BBC3: variants seen among roughly 807,000 people sequenced by gnomAD.
The protein encoded by BBC3 is BCL2 binding component 3, also known as bcl-2-binding component 3.
In BBC3, 5 loss-of-function variants were observed where a neutral mutation model predicts 18.2. The observed-to-expected ratio is 0.27, with a 90% CI of 0.14 to 0.58. The LOEUF (loss-of-function observed/expected upper bound fraction) is 0.58, where lower values mean the gene tolerates loss of function less well. Among genes scored for constraint, BBC3 ranks in the 20% least tolerant of loss-of-function variants. BBC3 has a pLI of 0.91. For synonymous variants in BBC3, 119 were observed against 128.0 expected, an observed-to-expected ratio of 0.93 and a Z score of 0.47; for missense variants, 224 against 268.9, an observed-to-expected ratio of 0.83 and a Z score of 1.17.
upstream of BBC3, among the ~76,000 whole-genome samples, chr19:47,231,885 C>G (rs762621253): frequency 6.6e-6 from 1 of 152,104 alleles, no homozygotes; most frequent in Non-Finnish European, 1.5e-5. This position sits in a 1 kb window ranked among gnomAD's most constrained non-coding sequence, Gnocchi z 4.0. Context: ...CAGACATAGG[C>G]GGAGTGCTTA....
chr19:47,222,356 T>C (rs1401546225), intron 3 of BBC3: 2 of 154,582 alleles, frequency 1.3e-5, no homozygotes, highest in Non-Finnish European at 2.9e-5. Flanking sequence ...GCCCCCCCCA[T>C]TGCAGAGGCT....
At chr19:47,222,752 G>A (rs1004594537) in intron 3 of BBC3, among the ~76,000 whole-genome samples, 8 of 147,926 alleles carry the variant, frequency 5.4e-5, no homozygotes, top group African/African-American at 2.0e-4. Flanking sequence ...GATCACCTGA[G>A]GTCGGGAGTT....
intron 3 of BBC3, 170 bp from the exon 4 acceptor site, chr19:47,222,088 C>CTCATGTCCTGG: frequency 1.7e-6 from 1 of 583,200 alleles, no homozygotes; most frequent in Non-Finnish European, 2.9e-6. Context: ...TCATCCAGGA[C>CTCATGTCCTGG]ATGAGACCTG....
chr19:47,231,993 C>G (rs916965350), upstream of BBC3, among the ~76,000 whole-genome samples: 1 of 152,216 alleles, frequency 6.6e-6, no homozygotes, highest in Non-Finnish European at 1.5e-5. This position sits in a 1 kb window ranked among gnomAD's most constrained non-coding sequence, Gnocchi z 4.0. Flanking sequence ...ATCCAAATCA[C>G]ACTCCCACAG....
chr19:47,225,878 G>C (rs2058810170), intron 3 of BBC3, among the ~76,000 whole-genome samples: 1 of 152,200 alleles, frequency 6.6e-6, no homozygotes, highest in South Asian at 2.1e-4. Context: ...TGGATGCAAG[G>C]AGGGGGAAGG....
intron 3 of BBC3, among the ~76,000 whole-genome samples, chr19:47,224,281 G>A (rs1228608243): frequency 1.3e-5 from 2 of 151,996 alleles, no homozygotes; most frequent in Non-Finnish European, 1.5e-5. Context: ...GGCAACAAGA[G>A]CGAAACTCTG....
Position 47,230,716 on chromosome 19 carries a change from G to C in BBC3, c.-16+213C>G. 1.0e-6 allele frequency: 1 copy of C among 985,026 alleles called. No homozygotes were observed. Among genetic ancestry groups the C allele is most frequent in the South Asian group, 4.7e-5 (1 of 21,286 alleles). 61.0% of individuals were successfully genotyped at this position (985,026 alleles called of 1,614,324 possible). ...TTGTAAACAAACCCGCCAGACCGCC[G>C]AGGCACCTGTGCGCCCAGACCGGCG... On this transcript the variant is annotated intron_variant, in intron 1 of 3. Coordinates refer to ENST00000439096, the MANE Select transcript of BBC3 (RefSeq NM_014417.5). This position sits in a 1 kb window ranked among gnomAD's most constrained non-coding sequence, Gnocchi z 6.7.
At chr19:47,231,680 CACTT>C (rs371832183), upstream of BBC3, among the ~76,000 whole-genome samples, 64 of 152,254 alleles carry the variant, frequency 4.2e-4, no homozygotes, top group South Asian at 2.9e-3. This position sits in a 1 kb window ranked among gnomAD's most constrained non-coding sequence, Gnocchi z 4.0. Flanking sequence ...ATGGGGCTCA[CACTT>C]ACACACACCC....
intron 3 of BBC3, among the ~76,000 whole-genome samples, chr19:47,223,207 C>T (rs981571010): frequency 2.7e-5 from 4 of 149,524 alleles, no homozygotes; most frequent in Middle Eastern, 3.3e-3. Flanking sequence ...GTAGGTGGAG[C>T]TTGCAGTGAG....
chr19:47,222,766 G>C (rs2058766278), intron 3 of BBC3, among the ~76,000 whole-genome samples: 1 of 150,068 alleles, frequency 6.7e-6, no homozygotes, highest in Non-Finnish European at 1.5e-5. Flanking sequence ...GGGAGTTTGA[G>C]ACCAGCCTGA....
At chr19:47,227,074 T>G in intron 2 of BBC3, 2 of 237,632 alleles carry the variant, frequency 8.4e-6, no homozygotes, top group Non-Finnish European at 1.7e-5. Context: ...ATTTTGCCTT[T>G]TCCATGTGAC....
chr19:47,224,124 GT>G (rs1429770719), intron 3 of BBC3, among the ~76,000 whole-genome samples: 1 of 151,920 alleles, frequency 6.6e-6, no homozygotes, highest in African/African-American at 2.4e-5. Flanking sequence ...GTGAAACCCC[GT>G]CTCTACTAAA....
chr19:47,224,531 C>A (rs536314814), intron 3 of BBC3, among the ~76,000 whole-genome samples: 1 of 151,812 alleles, frequency 6.6e-6, no homozygotes, highest in African/African-American at 2.4e-5. Flanking sequence ...GAGGCTGAGG[C>A]GGGAGGATCC....
chr19:47,232,252 G>T (rs1269362121), upstream of BBC3, among the ~76,000 whole-genome samples: 1 of 152,234 alleles, frequency 6.6e-6, no homozygotes, highest in Non-Finnish European at 1.5e-5. Context: ...TTGGGAGGCT[G>T]AGGCAGGAGA....
chr19:47,231,423 G>T (rs2058914628), upstream of BBC3, among the ~76,000 whole-genome samples: 1 of 152,086 alleles, frequency 6.6e-6, no homozygotes, highest in African/African-American at 2.4e-5. This position sits in a 1 kb window ranked among gnomAD's most constrained non-coding sequence, Gnocchi z 4.0. Flanking sequence ...AAGGCAAGGA[G>T]GACCCAGGCG....
At chr19:47,222,829 G>C (rs996701526) in intron 3 of BBC3, among the ~76,000 whole-genome samples, 1 of 151,982 alleles carries the variant, frequency 6.6e-6, no homozygotes, top group Non-Finnish European at 1.5e-5. Context: ...GCCGGACTTG[G>C]TGGCACATGT....
chr19:47,227,754 A>G (rs1389673780), intron 2 of BBC3, among the ~76,000 whole-genome samples: 1 of 152,006 alleles, frequency 6.6e-6, no homozygotes, highest in African/African-American at 2.4e-5. Context: ...AGATGCAAAT[A>G]AAAGCAAAAG....
Position 47,221,835 on chromosome 19 carries a change from C to T in BBC3, c.549G>A (p.Arg183=). 1.2e-6 allele frequency: 2 copies of T among 1,613,752 alleles called. No homozygotes were observed. Among genetic ancestry groups the T allele is most frequent in the African/African-American group, 2.7e-5 (2 of 75,038 alleles). ...GCTCCATCTCGGGGGCTCTGTGGCC[C>T]CTGGGTAAGGGCAGGAGTCCCATGA... is the stretch of plus-strand genomic sequence containing the variant. ...NLIMGLLPLP[R]GHRAPEMEPN is the part of the protein sequence containing the mutation. The change falls in exon 4 of 4, where the codon AGG becomes AGA. Residue 183 remains arginine (R), a synonymous_variant. Transcript: ENST00000439096.
rs888153681 is a variant in BBC3, at chr19:47,226,648, G to T, written c.381C>A (p.Arg127=). 18 of 1,539,198 alleles carry T rather than the reference G, an allele frequency of 1.2e-5. No individual in the cohort carries two copies. The highest frequency in any genetic ancestry group is 1.5e-5 in the Non-Finnish European group (17 of 1,144,528). The change falls in exon 3 of 4, where the codon CGC becomes CGA. Residue 127 remains arginine (R), a synonymous_variant. Transcript: ENST00000439096. ...CCCGGGCCCACTGTTCCTCCTCCCC[G>T]CGGACTCCCGGGGCCGCCTGGGTGG... ...GGPTQAAPGV[R]GEEEQWAREI... is the part of the protein sequence containing the mutation.
Sources: allele counts gnomAD v4.1 joint callset (sites outside exome capture counted in the v4.1 genomes callset), GRCh38; gene constraint gnomAD v4.1.1; non-coding constraint Gnocchi (gnomAD v3.1); transcripts MANE v1.5; gene names NCBI Gene and HGNC (gene_info 2026-07-23, HGNC 2026-07-21).